The following SGCD variants were observed in gnomAD, a reference collection of about 807,000 sequenced individuals.
The protein encoded by SGCD is sarcoglycan delta.
Under a neutral mutation model 36.6 loss-of-function variants are expected in SGCD, and 18 were observed. The ratio of observed to expected loss-of-function variants is 0.49; its 90% CI spans 0.34 to 0.73. SGCD has a LOEUF of 0.73. SGCD is among the 30% of genes least tolerant of loss of function. The probability of loss-of-function intolerance (pLI) is 0.01; values close to 1 mark genes in which losing one functional copy is unlikely to be tolerated. For synonymous variants in SGCD, 133 were observed against 130.6 expected, an observed-to-expected ratio of 1.02 and a Z score of -0.12; for missense variants, 387 against 346.7, an observed-to-expected ratio of 1.12 and a Z score of -0.92.
intron 1 of SGCD, among the ~76,000 whole-genome samples, chr5:155,995,119 A>G (rs1458752152): frequency 1.3e-5 from 2 of 152,132 alleles, no homozygotes; most frequent in African/African-American, 4.8e-5. Flanking sequence ...CTGTCACTGT[A>G]CTTCATCCCT....
the SGCD span, among the ~76,000 whole-genome samples, chr5:155,825,503 CTG>C: frequency 6.6e-6 from 1 of 152,138 alleles, no homozygotes; most frequent in Non-Finnish European, 1.5e-5. Context: ...TTGGATTAGA[CTG>C]TGTGCTCCTT....
chr5:156,193,982 G>T (rs1763959287), intron 3 of SGCD, among the ~76,000 whole-genome samples: 1 of 152,148 alleles, frequency 6.6e-6, no homozygotes, highest in African/African-American at 2.4e-5. Context: ...AATTGCAGGT[G>T]ATGTCATACA....
the SGCD span, among the ~76,000 whole-genome samples, chr5:155,738,723 T>A: frequency 5.0e-5 from 7 of 138,890 alleles, no homozygotes; most frequent in South Asian, 2.3e-4. Flanking sequence ...TGTGAGAGAG[T>A]GTGTGTGAGA....
chr5:156,149,733 G>C (rs1197610304), intron 3 of SGCD, among the ~76,000 whole-genome samples: 1 of 152,176 alleles, frequency 6.6e-6, no homozygotes, highest in African/African-American at 2.4e-5. Flanking sequence ...GGGTCGTGGG[G>C]CATGCCCTGC....
rs147566059 is a variant in SGCD at position 156,561,584 on chromosome 5, C to T, written c.295-27647C>T. ...ATCAGAACTGTTCCTGTTAGGGTGG[C>T]GGCCAGTGTCACCTGCTTTTCTGAA... On this transcript the variant is annotated intron_variant, in intron 4 of 8. Coordinates refer to ENST00000337851, the MANE Select transcript of SGCD (RefSeq NM_000337.6). Among the ~76,000 whole-genome samples, 556 of 152,174 alleles carry T rather than the reference C, an allele frequency of 3.7e-3. 4 individuals carry two copies. The highest frequency in any genetic ancestry group is 0.012 in the African/African-American group (511 of 41,516).
upstream of SGCD, among the ~76,000 whole-genome samples, chr5:156,325,149 T>C (rs1483913866): frequency 1.3e-5 from 2 of 152,172 alleles, no homozygotes; most frequent in Middle Eastern, 3.2e-3. Flanking sequence ...TTCAGTGTTA[T>C]ATTTAGGGAA....
chr5:155,986,567 T>C (rs961178674), intron 1 of SGCD, among the ~76,000 whole-genome samples: 1 of 151,814 alleles, frequency 6.6e-6, no homozygotes, highest in Non-Finnish European at 1.5e-5. Flanking sequence ...TTTTGAGGGG[T>C]AGGAGGGATA....
At chr5:155,890,677 T>TTGATAGAC (rs1756107713) in intron 1 of SGCD, among the ~76,000 whole-genome samples, 1 of 150,566 alleles carries the variant, frequency 6.6e-6, no homozygotes, top group Non-Finnish European at 1.5e-5. Context: ...GATAGATAGA[T>TTGATAGAC]AGACAGATAG....
In SGCD at chr5:156,227,219, G is replaced by A. The variant is rs182034150; in HGVS notation, c.-43-102315G>A. 6.5e-4 allele frequency among the ~76,000 whole-genome samples: 99 copies of A among 152,056 alleles called. No individual in the cohort carries two copies. The Middle Eastern group carries it at 0.017, about 26-fold the overall frequency. On this transcript the variant is annotated intron_variant, in intron 3 of 9. Transcript: ENST00000517913. Reference sequence around the variant, plus strand: ...TTTCCAATGCTATCTTCTAGAATTTGTTTTATACTTTGAGGTGTTAGGTTT... The same window carrying A: ...TTTCCAATGCTATCTTCTAGAATTTATTTTATACTTTGAGGTGTTAGGTTT...
chr5:156,732,415 A>G (rs1359646949), intron 7 of SGCD, among the ~76,000 whole-genome samples: 1 of 152,140 alleles, frequency 6.6e-6, no homozygotes, highest in Non-Finnish European at 1.5e-5. Flanking sequence ...TGATTTGTAT[A>G]TGTTGAACCA....
At chr5:156,372,587 A>G (rs1003660061) in intron 3 of SGCD, among the ~76,000 whole-genome samples, 7 of 151,796 alleles carry the variant, frequency 4.6e-5, no homozygotes, top group African/African-American at 1.2e-4. Flanking sequence ...ATAACTTTGT[A>G]TATATATATA....
At chr5:156,074,749 G>T (rs1760718998) in intron 1 of SGCD, among the ~76,000 whole-genome samples, 1 of 152,160 alleles carries the variant, frequency 6.6e-6, no homozygotes, top group African/African-American at 2.4e-5. Flanking sequence ...AAACATGACA[G>T]AGCACTTCAC....
At chr5:155,865,314 T>A in the SGCD span, among the ~76,000 whole-genome samples, 343 of 152,280 alleles carry the variant, frequency 2.3e-3, 1 homozygote, top group African/African-American at 6.9e-3. Flanking sequence ...TAATATTTTT[T>A]ACAAATCTCT....
intron 3 of SGCD, among the ~76,000 whole-genome samples, chr5:156,240,437 T>C (rs1765278094): frequency 6.6e-6 from 1 of 152,076 alleles, no homozygotes; most frequent in African/African-American, 2.4e-5. Context: ...ATGAGGTCCC[T>C]AGGGAGATAA....
chr5:156,653,514 T>C (rs1186243324), intron 7 of SGCD, among the ~76,000 whole-genome samples: 5 of 148,388 alleles, frequency 3.4e-5, no homozygotes, highest in Non-Finnish European at 7.4e-5. Context: ...TTTTTGCCCC[T>C]GTTGTTCAAA....
At chr5:156,577,005 T>G (rs532645680) in intron 4 of SGCD, among the ~76,000 whole-genome samples, 33 of 152,334 alleles carry the variant, frequency 2.2e-4, no homozygotes, top group African/African-American at 7.7e-4. Flanking sequence ...GCCTATTTCC[T>G]GAATCGTATT....
intron 3 of SGCD, among the ~76,000 whole-genome samples, chr5:156,280,178 A>G (rs1285228472): frequency 6.6e-6 from 1 of 152,204 alleles, no homozygotes; most frequent in Non-Finnish European, 1.5e-5. Flanking sequence ...AAAAACAAAA[A>G]GCCACACTGG....
At chr5:156,214,551 C>T (rs1388708936) in intron 3 of SGCD, among the ~76,000 whole-genome samples, 1 of 151,890 alleles carries the variant, frequency 6.6e-6, no homozygotes, top group African/African-American at 2.4e-5. Flanking sequence ...AAATATTTTA[C>T]AGATTAAATA....
At chr5:155,782,569 T>C in the SGCD span, among the ~76,000 whole-genome samples, 27 of 152,116 alleles carry the variant, frequency 1.8e-4, no homozygotes, top group African/African-American at 5.8e-4. Flanking sequence ...TAAGAGTTCT[T>C]ATACTGAAAA....
Sources: gnomAD v4.1 joint callset for allele counts (sites outside exome capture counted in the v4.1 genomes callset) on GRCh38, gnomAD v4.1.1 for gene constraint, MANE v1.5 for transcripts, NCBI Gene and HGNC (gene_info 2026-07-23, HGNC 2026-07-21) for gene names.